PXDC1: variants seen among roughly 807,000 people sequenced by gnomAD.
PXDC1 encodes the protein PX domain containing 1.
A neutral mutation model predicts 24.4 loss-of-function variants in PXDC1; 13 were observed. That is an observed-to-expected ratio of 0.53 (90% CI 0.35 to 0.85). The LOEUF is 0.85. Ranked by LOEUF, PXDC1 falls within the 40% of genes least tolerant of loss-of-function variation. The pLI, the probability that PXDC1 is intolerant of heterozygous loss-of-function variation, is 0.01. For missense variants in PXDC1, 344 were observed against 309.3 expected, an observed-to-expected ratio of 1.11 and a Z score of -0.84; for synonymous variants, 162 against 124.9, an observed-to-expected ratio of 1.30 and a Z score of -1.98.
At chr6:3,744,353 G>A (rs763819866) in intron 1 of PXDC1, among the ~76,000 whole-genome samples, 22 of 152,186 alleles carry the variant, frequency 1.4e-4, no homozygotes, top group Non-Finnish European at 1.6e-4. Flanking sequence ...CTCCTGGCAC[G>A]TCATGCTAGC....
intron 1 of PXDC1, among the ~76,000 whole-genome samples, chr6:3,740,876 T>A: frequency 6.6e-6 from 1 of 152,376 alleles, no homozygotes; most frequent in Middle Eastern, 3.4e-3. Flanking sequence ...TGCCTTCACC[T>A]GGGGGTCTCC....
In PXDC1 at chr6:3,751,457, G is replaced by A. The variant is rs377211810; in HGVS notation, c.75C>T (p.Arg25=). 77 of 1,602,244 alleles carry A rather than the reference G, an allele frequency of 4.8e-5. No homozygotes were observed. Among genetic ancestry groups the A allele is most frequent in the Middle Eastern group, 3.3e-4 (2 of 6,070 alleles). The stretch of plus-strand genomic sequence containing the variant: ...CGCCGCGCCGGCTGACGATGAGCCT[G>A]CGGATGCCGTTCACCCAGCAGCCGC... ...FVRGCWVNGI[R]RLIVSRRGDE... Residue 25 remains arginine, a synonymous_variant, in exon 1 of 5, where the codon CGC becomes CGT. Coordinates refer to ENST00000380283, the MANE Select transcript of PXDC1 (RefSeq NM_183373.4).
chr6:3,739,157 T>A (rs12192982), intron 1 of PXDC1: 91,898 of 1,164,418 alleles, frequency 0.079, 3,724 homozygotes, highest in East Asian at 0.086. Context: ...ATTCGTTGAA[T>A]AGGTCTATAA....
intron 3 of PXDC1, among the ~76,000 whole-genome samples, chr6:3,735,362 G>C (rs777495488): frequency 6.6e-6 from 1 of 152,286 alleles, no homozygotes; most frequent in South Asian, 2.1e-4. Flanking sequence ...AACCACCAAA[G>C]TGTCTAGCTA....
At position 3,725,663 on chromosome 6, in the gene PXDC1, T is replaced by C. The variant is rs1760046931; in HGVS notation, c.578+1888A>G. Among the ~76,000 whole-genome samples, 1 of 152,174 alleles carries C rather than the reference T, an allele frequency of 6.6e-6. No individual in the cohort carries two copies. Among genetic ancestry groups the C allele is most frequent in the Non-Finnish European group, 1.5e-5 (1 of 68,022 alleles). On this transcript the variant is annotated intron_variant, in intron 4 of 4. Coordinates refer to ENST00000380283, the MANE Select transcript of PXDC1 (RefSeq NM_183373.4). This position sits in a 1 kb window ranked among gnomAD's most constrained non-coding sequence, Gnocchi z 4.8. ...CACGCAGGGAGGTGAAGCCTCCAGTTCCACAAAGGGTGTCTGTGCTCTTGG... is the reference window on the plus strand; with the variant it reads ...CACGCAGGGAGGTGAAGCCTCCAGTCCCACAAAGGGTGTCTGTGCTCTTGG...
chr6:3,749,894 C>G (rs1488235902), intron 1 of PXDC1, among the ~76,000 whole-genome samples: 1 of 152,210 alleles, frequency 6.6e-6, no homozygotes, highest in Non-Finnish European at 1.5e-5. Flanking sequence ...TTGAATAAAC[C>G]GCTGTTCCTT....
At chr6:3,739,490 G>A (rs933356461) in intron 1 of PXDC1, among the ~76,000 whole-genome samples, 1 of 152,264 alleles carries the variant, frequency 6.6e-6, no homozygotes, top group Non-Finnish European at 1.5e-5. Context: ...CAGGCGGCCA[G>A]CTGTGCAGGG....
rs1277452815 is a variant in PXDC1, at chr6:3,724,218, G to C, written c.579-482C>G. On this transcript the variant is annotated intron_variant, in intron 4 of 4. Coordinates refer to ENST00000380283, the MANE Select transcript of PXDC1 (RefSeq NM_183373.4). The surrounding 1 kb of genome is among the most constrained non-coding windows in gnomAD (Gnocchi z 4.5). ...AACAGGAGGCTGGAGAAGAGCCGGC[G>C]AGGCCCGTGGAGGTCACGGGGGGAG... is the stretch of plus-strand genomic sequence containing the variant. Among the ~76,000 whole-genome samples, 1 of 152,172 alleles carries C rather than the reference G, an allele frequency of 6.6e-6. No individual in the cohort carries two copies. Among genetic ancestry groups the C allele is most frequent in the South Asian group, 2.1e-4 (1 of 4,818 alleles).
intron 1 of PXDC1, 77 bp from the exon 2 acceptor site, chr6:3,738,225 G>A (rs1760372872): frequency 4.6e-6 from 5 of 1,094,142 alleles, no homozygotes; most frequent in East Asian, 2.4e-5. Flanking sequence ...CACAACAGGT[G>A]CCCACAAACC....
intron 3 of PXDC1, among the ~76,000 whole-genome samples, chr6:3,729,128 T>C (rs1369393588): frequency 6.6e-6 from 1 of 152,092 alleles, no homozygotes; most frequent in Non-Finnish European, 1.5e-5. Context: ...CTTAGTTGCT[T>C]GGGGGACTGT....
chr6:3,738,682 A>T, intron 1 of PXDC1: 1 of 901,290 alleles, frequency 1.1e-6, no homozygotes, highest in Non-Finnish European at 1.5e-6. Flanking sequence ...CCTGGACAAA[A>T]CCAAAGTGGA....
rs1306402319 is a variant in PXDC1, at chr6:3,751,447, C to T, written c.85G>A (p.Val29Ile). 3 of 1,599,460 alleles carry T rather than the reference C, an allele frequency of 1.9e-6. No individual in the cohort carries two copies. The highest frequency in any genetic ancestry group is 2.3e-5 in the South Asian group (2 of 88,468). The stretch of plus-strand genomic sequence containing the variant: ...TCCTCTTCGTCGCCGCGCCGGCTGA[C>T]GATGAGCCTGCGGATGCCGTTCACC... Reference protein sequence around the residue: ...CWVNGIRRLIVSRRGDEEEFF... With the variant: ...CWVNGIRRLIISRRGDEEEFF... Residue 29 changes from valine to isoleucine, a missense_variant, in exon 1 of 5, where the codon GTC becomes ATC. By Grantham distance (29) the Val-to-Ile change is conservative. Transcript: ENST00000380283.
At chr6:3,734,034 C>A (rs935930177) in intron 3 of PXDC1, among the ~76,000 whole-genome samples, 1 of 152,224 alleles carries the variant, frequency 6.6e-6, no homozygotes, top group African/African-American at 2.4e-5. Flanking sequence ...GACCTGGACA[C>A]TGCACCCCCA....
chr6:3,744,777 A>C (rs1185708793), intron 1 of PXDC1, among the ~76,000 whole-genome samples: 1 of 152,218 alleles, frequency 6.6e-6, no homozygotes, highest in African/African-American at 2.4e-5. Flanking sequence ...AGCTCACTGC[A>C]AGCTCCGCTT....
chr6:3,737,985 G>A lies in PXDC1; in HGVS notation c.348+72C>T, dbSNP rs749643772. 8.0e-5 allele frequency: 99 copies of A among 1,243,258 alleles called. No individual in the cohort carries two copies. Among genetic ancestry groups the A allele is most frequent in the Non-Finnish European group, 1.1e-4 (97 of 851,710 alleles). 77.0% of individuals were successfully genotyped at this position (1,243,258 alleles called of 1,614,324 possible). A position where few individuals can be genotyped will look rare whatever the true frequency, so the allele number is the denominator to read the frequency against. ...AGCAAGTCAACCCTCCGGGGGGATGGACGCCTTTCGCATTTGGGAGGTGCC... is the reference window on the plus strand; with the variant it reads ...AGCAAGTCAACCCTCCGGGGGGATGAACGCCTTTCGCATTTGGGAGGTGCC... On this transcript the variant is annotated intron_variant, in intron 2 of 4. Coordinates refer to ENST00000380283, the MANE Select transcript of PXDC1 (RefSeq NM_183373.4). This position sits in a 1 kb window ranked among gnomAD's most constrained non-coding sequence, Gnocchi z 5.5.
At position 3,738,098 on chromosome 6, in the gene PXDC1, C is replaced by T; in HGVS notation, c.307G>A (p.Val103Met). 1 of 1,614,168 alleles carries T rather than the reference C, an allele frequency of 6.2e-7. No homozygotes were observed. Among genetic ancestry groups the T allele is most frequent in the Non-Finnish European group, 8.5e-7 (1 of 1,180,028 alleles). The change falls in exon 2 of 5, where the codon GTG (valine) becomes ATG (methionine). Residue 103 changes from valine to methionine, a missense_variant. Physicochemically the swap from Val to Met is conservative, Grantham distance 21. Coordinates refer to ENST00000380283, the MANE Select transcript of PXDC1 (RefSeq NM_183373.4). Reference sequence around the variant, plus strand: ...ATGATCGTCTTCAGCAGCTTCTCCACCTCATTAAGCCTGGTCTCTATGTCG... The same window carrying T: ...ATGATCGTCTTCAGCAGCTTCTCCATCTCATTAAGCCTGGTCTCTATGTCG... Reference protein sequence around the residue: ...AHDIETRLNEVEKLLKTIISM... With the variant: ...AHDIETRLNEMEKLLKTIISM...
intron 1 of PXDC1, among the ~76,000 whole-genome samples, chr6:3,750,375 G>A (rs1185490486): frequency 6.6e-6 from 1 of 152,164 alleles, no homozygotes; most frequent in East Asian, 1.9e-4. Context: ...ATGGAGGGGG[G>A]TGGGACCTGC....
intron 1 of PXDC1, among the ~76,000 whole-genome samples, chr6:3,744,158 A>G (rs73722550): frequency 0.061 from 9,226 of 152,122 alleles, 947 homozygotes; most frequent in African/African-American, 0.21. Flanking sequence ...CCTCTTCCTA[A>G]ATTTTAGACT....
In PXDC1 at chr6:3,725,095, A is replaced by G. The variant is rs752253735; in HGVS notation, c.579-1359T>C. ...GGAGACAGAGCAGCTCTCCAACTTC[A>G]TCCAGGGAATGAAATCTCTTCCCCA... is the stretch of plus-strand genomic sequence containing the variant. On this transcript the variant is annotated intron_variant, in intron 4 of 4. Coordinates refer to ENST00000380283, the MANE Select transcript of PXDC1 (RefSeq NM_183373.4). The surrounding 1 kb of genome is among the most constrained non-coding windows in gnomAD (Gnocchi z 4.8). Among the ~76,000 whole-genome samples, 1 of 152,088 alleles carries G rather than the reference A, an allele frequency of 6.6e-6. No individual in the cohort carries two copies. Among genetic ancestry groups the G allele is most frequent in the Non-Finnish European group, 1.5e-5 (1 of 68,002 alleles).
Sources: allele counts gnomAD v4.1 joint callset (sites outside exome capture counted in the v4.1 genomes callset), GRCh38; gene constraint gnomAD v4.1.1; non-coding constraint Gnocchi (gnomAD v3.1); transcripts MANE v1.5; gene names NCBI Gene and HGNC (gene_info 2026-07-23, HGNC 2026-07-21).